Variants in TEAD3 observed in about 807,000 individuals in gnomAD.
TEAD3 encodes TEA domain transcription factor 3.
TEAD3 carries 15 observed loss-of-function variants against 55.6 expected under a neutral mutation model. That is an observed-to-expected ratio of 0.27 (90% CI 0.18 to 0.42). The LOEUF is 0.42. TEAD3 is among the 10% of genes least tolerant of loss of function. The pLI is 1.00. For synonymous variants in TEAD3, 210 were observed against 232.2 expected (o/e 0.90, Z 0.87); for missense variants, 407 against 576.8 (o/e 0.71, Z 3.01).
chr6:35,475,086 C>A lies in TEAD3; in HGVS notation c.1266G>T (p.Glu422Asp). ...TGTAGACATGGTGCTGGGCCCCGTG[C>A]TCACTGGTGGAGACTTCGAAGACAA... Residue 422 changes from glutamate to aspartate, a missense_variant, in exon 13 of 13, where the codon GAG (glutamate) becomes GAT (aspartate). Coordinates refer to ENST00000639578, the Ensembl canonical transcript of TEAD3. The surrounding 1 kb of genome is among the most constrained non-coding windows in gnomAD (Gnocchi z 5.4). The A allele has an allele frequency of 2.5e-6, 4 of 1,598,890 alleles. No individual in the cohort carries two copies. Among genetic ancestry groups the A allele is most frequent in the African/African-American group, 1.3e-5 (1 of 74,782 alleles).
intron 3 of TEAD3, among the ~76,000 whole-genome samples, chr6:35,481,750 A>T (rs977929660): frequency 6.6e-6 from 1 of 151,904 alleles, no homozygotes; most frequent in Non-Finnish European, 1.5e-5. Context: ...AGGCGGTCTG[A>T]CTCCAGAGCC....
chr6:35,487,279 C>T (rs1390451407), intron 1 of TEAD3, among the ~76,000 whole-genome samples: 11 of 151,974 alleles, frequency 7.2e-5, no homozygotes, highest in Admixed American at 5.9e-4. Context: ...CAGGTCTGGA[C>T]GCAGTGGCAC....
rs766707611 is a variant in TEAD3 at position 35,479,333 on chromosome 6, G to A, written c.331-17C>T. 18 of 1,613,884 alleles carry A rather than the reference G, an allele frequency of 1.1e-5. No individual in the cohort carries two copies. In the East Asian group the frequency reaches 3.6e-4, roughly 32 times the overall value. On this transcript the variant is annotated splice_polypyrimidine_tract_variant and intron_variant, in intron 4 of 12. Transcript: ENST00000639578. ...GTTCATGGCCTGTGAGGGAGAGAAGGAAGATAGATTAGAGGACATGTGCAG... is the reference window on the plus strand; with the variant it reads ...GTTCATGGCCTGTGAGGGAGAGAAGAAAGATAGATTAGAGGACATGTGCAG...
chr6:35,488,122 C>A lies in TEAD3; in HGVS notation c.-49-1411G>T, dbSNP rs1301671712. Reference sequence around the variant, plus strand: ...GGCCTAATGTAGGGCAGGAACTGCCCCAGGAATTACAAAAAGGGAACTGGT... The same window carrying A: ...GGCCTAATGTAGGGCAGGAACTGCCACAGGAATTACAAAAAGGGAACTGGT... On this transcript the variant is annotated intron_variant, in intron 1 of 12. Coordinates refer to ENST00000639578, the Ensembl canonical transcript of TEAD3. The surrounding 1 kb of genome is among the most constrained non-coding windows in gnomAD (Gnocchi z 4.2). Among the ~76,000 whole-genome samples, 2 of 152,168 alleles carry A rather than the reference C, an allele frequency of 1.3e-5. No homozygotes were observed.
At chr6:35,480,466 C>T (rs535098010) in intron 3 of TEAD3, 92 bp from the exon 4 acceptor site, 399 of 1,325,224 alleles carry the variant, frequency 3.0e-4, no homozygotes, top group Non-Finnish European at 1.5e-4. Flanking sequence ...GCATCCCAGA[C>T]CTCTCATCTC....
chr6:35,486,394 C>T lies in TEAD3; in HGVS notation c.202+67G>A. The T allele has an allele frequency of 1.3e-6, 2 of 1,535,334 alleles. No homozygotes were observed. Among genetic ancestry groups the T allele is most frequent in the Non-Finnish European group, 1.8e-6 (2 of 1,137,328 alleles). ...CTGGCGGCCTCCGACGTCACCAAACCGGTTGGGTGAGAGGGCAGAGAGCAG... is the reference window on the plus strand; with the variant it reads ...CTGGCGGCCTCCGACGTCACCAAACTGGTTGGGTGAGAGGGCAGAGAGCAG... On this transcript the variant is annotated intron_variant, in intron 2 of 12. Transcript: ENST00000639578. This position sits in a 1 kb window ranked among gnomAD's most constrained non-coding sequence, Gnocchi z 7.3.
chr6:35,481,481 T>C (rs1473221761), intron 3 of TEAD3, among the ~76,000 whole-genome samples: 1 of 152,172 alleles, frequency 6.6e-6, no homozygotes, highest in Non-Finnish European at 1.5e-5. Flanking sequence ...CCTGGGTGGG[T>C]GCTCCTCACA....
rs1438633244 is a variant in TEAD3, at chr6:35,489,279, C to T, written c.-49-2568G>A. ...ATTCCTAGTTTATAGATGAGGAACC[C>T]AAGAAACAGAGAAGTTAAGCAACTT... On this transcript the variant is annotated intron_variant, in intron 1 of 12. Coordinates refer to ENST00000639578, the Ensembl canonical transcript of TEAD3. Among the ~76,000 whole-genome samples, 5 of 152,090 alleles carry T rather than the reference C, an allele frequency of 3.3e-5. No homozygotes were observed. The South Asian group carries it at 1.0e-3, about 32-fold the overall frequency.
In TEAD3 at chr6:35,475,279, A is replaced by G. The variant is rs917598672; in HGVS notation, c.1194+57T>C. On this transcript the variant is annotated intron_variant, in intron 12 of 12. Coordinates refer to ENST00000639578, the Ensembl canonical transcript of TEAD3. The surrounding 1 kb of genome is among the most constrained non-coding windows in gnomAD (Gnocchi z 5.4). ...TCTCAGCCAAGCGATGTGTCTGGCT[A>G]CCCAACTTGGAGGCCCTGGCCTGTG... 1 of 1,607,150 alleles carries G rather than the reference A, an allele frequency of 6.2e-7. No homozygotes were observed. The highest frequency in any genetic ancestry group is 8.5e-7 in the Non-Finnish European group (1 of 1,175,788).
Position 35,484,578 on chromosome 6 carries a change from C to T in TEAD3, c.249G>A (p.Lys83=), listed in dbSNP as rs746360805. 5 of 1,605,240 alleles carry T rather than the reference C, an allele frequency of 3.1e-6. No individual in the cohort carries two copies. The South Asian group carries it at 4.5e-5, about 14-fold the overall frequency. Residue 83 remains lysine (K), a synonymous_variant, in exon 3 of 13, where the codon AAG becomes AAA. Coordinates refer to ENST00000639578, the Ensembl canonical transcript of TEAD3. This position sits in a 1 kb window ranked among gnomAD's most constrained non-coding sequence, Gnocchi z 5.8. ...TCTCTACCTGTTTTCTCGTCCGAGT[C>T]TTCCCCGTCCTCAGTTTAATATAGC...
chr6:35,476,388 C>T, exon 9 of TEAD3: 1 of 1,613,154 alleles, frequency 6.2e-7, no homozygotes, highest in Non-Finnish European at 8.5e-7. Context: ...TCCTGCCACA[C>T]AGGCACAGAG....
intron 1 of TEAD3, among the ~76,000 whole-genome samples, chr6:35,495,386 C>G (rs1768619380): frequency 6.6e-6 from 1 of 152,218 alleles, no homozygotes; most frequent in Admixed American, 6.5e-5. Context: ...TTCCCCAGCC[C>G]AGATGCGCTC....
intron 1 of TEAD3, among the ~76,000 whole-genome samples, chr6:35,490,203 G>C (rs1768479926): frequency 6.6e-6 from 1 of 152,174 alleles, no homozygotes; most frequent in African/African-American, 2.4e-5. Context: ...CCCTTCTTAG[G>C]GTGATGTCAG....
chr6:35,480,793 T>C (rs1274436346), intron 3 of TEAD3, among the ~76,000 whole-genome samples: 1 of 152,218 alleles, frequency 6.6e-6, no homozygotes, highest in East Asian at 1.9e-4. Context: ...GCCCAAGCTA[T>C]GTGTCCTTGT....
chr6:35,482,778 A>T (rs981935404), intron 3 of TEAD3, among the ~76,000 whole-genome samples: 7 of 152,128 alleles, frequency 4.6e-5, no homozygotes, highest in African/African-American at 1.7e-4. Flanking sequence ...AAAACCAACA[A>T]AAAAACAGTG....
At position 35,496,508 on chromosome 6, in the gene TEAD3, G is replaced by C. The variant is rs1359711539; in HGVS notation, c.-50+390C>G. 6.6e-6 allele frequency among the ~76,000 whole-genome samples: 1 copy of C among 152,078 alleles called. No individual in the cohort carries two copies. Among genetic ancestry groups the C allele is most frequent in the East Asian group, 1.9e-4 (1 of 5,156 alleles). ...GGGCCGGGAGTCCAAAGGGCGGCGG[G>C]GCCCGGGACTGGGCGCCCCGGATAT... On this transcript the variant is annotated intron_variant, in intron 1 of 12. Transcript: ENST00000639578. The surrounding 1 kb of genome is among the most constrained non-coding windows in gnomAD (Gnocchi z 4.8).
rs752184636 is a variant in TEAD3 at position 35,485,646 on chromosome 6, T to A, written c.202+815A>T. 2.0e-5 allele frequency among the ~76,000 whole-genome samples: 3 copies of A among 151,788 alleles called. No individual in the cohort carries two copies. Among genetic ancestry groups the A allele is most frequent in the Non-Finnish European group, 4.4e-5 (3 of 67,898 alleles). On this transcript the variant is annotated intron_variant, in intron 2 of 12. Transcript: ENST00000639578. The surrounding 1 kb of genome is among the most constrained non-coding windows in gnomAD (Gnocchi z 4.3). ...GGCTCCCCAGCCTGGGAGGCAGCAGTGGGGGCAGACAGCACCCACCCTGTG... is the reference window on the plus strand; with the variant it reads ...GGCTCCCCAGCCTGGGAGGCAGCAGAGGGGGCAGACAGCACCCACCCTGTG...
intron 3 of TEAD3, among the ~76,000 whole-genome samples, chr6:35,482,046 G>A (rs989287626): frequency 9.2e-5 from 14 of 152,264 alleles, no homozygotes; most frequent in Middle Eastern, 3.4e-3. Flanking sequence ...GTGCAGTGGC[G>A]TGATCTCGGC....
At position 35,488,847 on chromosome 6, in the gene TEAD3, C is replaced by T. The variant is rs1768442709; in HGVS notation, c.-49-2136G>A. 6.6e-6 allele frequency among the ~76,000 whole-genome samples: 1 copy of T among 152,188 alleles called. No homozygotes were observed. Among genetic ancestry groups the T allele is most frequent in the East Asian group, 1.9e-4 (1 of 5,196 alleles). ...CAAGCGATTCTCCTGCCTCAGACTC[C>T]CATGCAGCCTCCCCCCTCAGCATGG... On this transcript the variant is annotated intron_variant, in intron 1 of 12. Transcript: ENST00000639578. This position sits in a 1 kb window ranked among gnomAD's most constrained non-coding sequence, Gnocchi z 4.2.
Sources: allele counts gnomAD v4.1 joint callset (sites outside exome capture counted in the v4.1 genomes callset), GRCh38; gene constraint gnomAD v4.1.1; non-coding constraint Gnocchi (gnomAD v3.1); transcripts MANE v1.5; gene names NCBI Gene and HGNC (gene_info 2026-07-23, HGNC 2026-07-21).